Variants in SYT5 observed in about 807,000 individuals in gnomAD.
SYT5 encodes synaptotagmin 5, also known as synaptotagmin-5.
SYT5 carries 29 observed loss-of-function variants against 36.0 expected under a neutral mutation model. The ratio of observed to expected loss-of-function variants is 0.81; its 90% CI spans 0.60 to 1.10. The LOEUF (loss-of-function observed/expected upper bound fraction) is 1.10. Ranked by LOEUF, SYT5 falls within the 50% of genes least tolerant of loss-of-function variation. The pLI is 0.00. For synonymous variants in SYT5, 231 were observed against 227.6 expected (o/e 1.02, Z -0.14); for missense variants, 512 against 516.0 (o/e 0.99, Z 0.08).
At position 55,179,252 on chromosome 19, in the gene SYT5, C is replaced by A. The variant is rs1227150789; in HGVS notation, c.-45-166G>T. On this transcript the variant is annotated intron_variant, in intron 1 of 8. Coordinates refer to ENST00000354308, the MANE Select transcript of SYT5 (RefSeq NM_003180.3). This position sits in a 1 kb window ranked among gnomAD's most constrained non-coding sequence, Gnocchi z 4.5. The stretch of plus-strand genomic sequence containing the variant: ...CTCCCCGCACTTGAGAGGGGGTGTC[C>A]AGGACCTAGTTCCATCCTAAAGGGA... 2 of 1,476,524 alleles carry A rather than the reference C, an allele frequency of 1.4e-6. No homozygotes were observed. Among genetic ancestry groups the A allele is most frequent in the Admixed American group, 4.6e-5 (2 of 43,782 alleles). The allele number at this position is 1,476,524 out of a possible 1,614,324, so 91.5% of individuals were successfully genotyped here. A position where few individuals can be genotyped will look rare whatever the true frequency, so the allele number is the denominator to read the frequency against.
In SYT5 at chr19:55,175,469, G is replaced by T; in HGVS notation, c.541-130C>A. 1 of 1,158,606 alleles carries T rather than the reference G, an allele frequency of 8.6e-7. No individual in the cohort carries two copies. 71.8% of individuals were successfully genotyped at this position (1,158,606 alleles called of 1,614,324 possible). A position where few individuals can be genotyped will look rare whatever the true frequency, so the allele number is the denominator to read the frequency against. On this transcript the variant is annotated intron_variant, in intron 5 of 8. Transcript: ENST00000354308. This position sits in a 1 kb window ranked among gnomAD's most constrained non-coding sequence, Gnocchi z 4.5. ...CGAACAGTTGGGGGAACTCAAATGGGAAAGTCCAGGGATCCATGCGGAAAA... is the reference window on the plus strand; with the variant it reads ...CGAACAGTTGGGGGAACTCAAATGGTAAAGTCCAGGGATCCATGCGGAAAA...
Sources: gnomAD v4.1 joint callset for allele counts on GRCh38, gnomAD v4.1.1 for gene constraint, Gnocchi (gnomAD v3.1) non-coding constraint, MANE v1.5 for transcripts, NCBI Gene and HGNC (gene_info 2026-07-23, HGNC 2026-07-21) for gene names.